Variants in LRRFIP1 observed in about 807,000 individuals in gnomAD.
LRRFIP1 encodes leucine-rich repeat flightless-interacting protein 1.
A neutral mutation model predicts 104.4 loss-of-function variants in LRRFIP1; 62 were observed. The ratio of observed to expected loss-of-function variants is 0.59; its 90% CI spans 0.48 to 0.73. LRRFIP1 has a LOEUF of 0.73. Among genes scored for constraint, LRRFIP1 ranks in the 30% least tolerant of loss-of-function variants. The pLI is 0.00. For missense variants in LRRFIP1, 796 were observed against 824.5 expected (o/e 0.97, Z 0.42); for synonymous variants, 300 against 299.0 (o/e 1.00, Z -0.03).
chr2:237,745,535 A>G (rs1404316772), intron 11 of LRRFIP1, among the ~76,000 whole-genome samples: 1 of 152,212 alleles, frequency 6.6e-6, no homozygotes, highest in Non-Finnish European at 1.5e-5. Context: ...AATTATAAAA[A>G]CAAATGATGT....
At chr2:237,759,296 C>T (rs58806233) in intron 18 of LRRFIP1, among the ~76,000 whole-genome samples, 1,947 of 152,170 alleles carry the variant, frequency 0.013, 40 homozygotes, top group African/African-American at 0.045. Context: ...CACGCCAAGG[C>T]GTCTTCAGCC....
At position 237,714,292 on chromosome 2, in the gene LRRFIP1, T is replaced by A; in HGVS notation, c.201+16T>A. ...GGTCCAAAAGGTAGGCTCTTCTTTC[T>A]TTATTTTCTAACTTGCATGTACTGT... On this transcript the variant is annotated intron_variant, in intron 3 of 23. Transcript: ENST00000308482. 6.3e-7 allele frequency: 1 copy of A among 1,596,044 alleles called. No homozygotes were observed. The highest frequency in any genetic ancestry group is 1.7e-4 in the Middle Eastern group (1 of 6,004).
At chr2:237,738,259 G>C (rs1024582345) in intron 10 of LRRFIP1, among the ~76,000 whole-genome samples, 2 of 147,110 alleles carry the variant, frequency 1.4e-5, no homozygotes, top group Admixed American at 6.6e-5. Context: ...TTGAGCACCC[G>C]TGAAGATCTG....
At chr2:237,725,981 G>A (rs2150250426) in intron 7 of LRRFIP1, among the ~76,000 whole-genome samples, 2 of 152,294 alleles carry the variant, frequency 1.3e-5, no homozygotes, top group Middle Eastern at 6.8e-3. Context: ...ATTAACATTA[G>A]CCTTCATTAT....
chr2:237,693,876 A>G (rs1015936413), intron 1 of LRRFIP1, among the ~76,000 whole-genome samples: 4 of 152,160 alleles, frequency 2.6e-5, no homozygotes, highest in Admixed American at 6.5e-5. Flanking sequence ...AGGGTCTATT[A>G]CTTAAGGCTG....
intron 19 of LRRFIP1, 104 bp from the exon 20 acceptor site, chr2:237,769,839 A>G: frequency 2.3e-6 from 2 of 851,724 alleles, no homozygotes; most frequent in South Asian, 1.4e-5. Context: ...AACTACTTCC[A>G]TCATTCATTT....
At chr2:237,634,218 T>C (rs13409767) in intron 1 of LRRFIP1, among the ~76,000 whole-genome samples, 2,057 of 152,270 alleles carry the variant, frequency 0.014, 42 homozygotes, top group African/African-American at 0.044. Flanking sequence ...GATCTCCTTG[T>C]TTATAAATAA....
At chr2:237,669,239 A>G (rs1262027103) in intron 1 of LRRFIP1, among the ~76,000 whole-genome samples, 1 of 152,220 alleles carries the variant, frequency 6.6e-6, no homozygotes, top group East Asian at 1.9e-4. Context: ...TAGAAGTGCA[A>G]TTTAAACCCC....
At chr2:237,740,873 C>T (rs2095395800) in intron 11 of LRRFIP1, among the ~76,000 whole-genome samples, 1 of 152,168 alleles carries the variant, frequency 6.6e-6, no homozygotes. Flanking sequence ...GCATGGCTTT[C>T]CTGTGCTAGA....
chr2:237,725,913 C>T (rs2094729000), intron 7 of LRRFIP1, among the ~76,000 whole-genome samples: 1 of 152,220 alleles, frequency 6.6e-6, no homozygotes, highest in Admixed American at 6.5e-5. Context: ...AGAGGCCTTG[C>T]TTATGTCATA....
intron 19 of LRRFIP1, among the ~76,000 whole-genome samples, chr2:237,767,844 C>T (rs1025761607): frequency 1.3e-5 from 2 of 152,160 alleles, no homozygotes; most frequent in African/African-American, 2.4e-5. Context: ...TTGTTCTAAA[C>T]GTCTGGGCCC....
At position 237,691,090 on chromosome 2, in the gene LRRFIP1, G is replaced by A. The variant is rs1019287797; in HGVS notation, c.97-17454G>A. On this transcript the variant is annotated intron_variant, in intron 1 of 23. Transcript: ENST00000308482. The surrounding 1 kb of genome is among the most constrained non-coding windows in gnomAD (Gnocchi z 5.4). ...GGCGGGAAGGTGAGTGCTCACAGGC[G>A]CGAGCTCACGTTACCAAGTTGGGTC... Among the ~76,000 whole-genome samples, 1 of 151,608 alleles carries A rather than the reference G, an allele frequency of 6.6e-6. No homozygotes were observed. Among genetic ancestry groups the A allele is most frequent in the Admixed American group, 6.6e-5 (1 of 15,252 alleles).
rs28364855 is a variant in LRRFIP1 at position 237,627,603 on chromosome 2, C to T, written c.-42C>T. ...GGCCGGGCCGGGGCGGCGCGAGCGGCTGGAGCAACGGGCCCCGCGGCAGCT... is the reference window on the plus strand; with the variant it reads ...GGCCGGGCCGGGGCGGCGCGAGCGGTTGGAGCAACGGGCCCCGCGGCAGCT... On this transcript the variant is annotated 5_prime_UTR_variant, in exon 1 of 24. Transcript: ENST00000308482. The T allele has an allele frequency of 0.027, 31,376 of 1,161,818 alleles. 1,042 individuals carry two copies. The highest frequency in any genetic ancestry group is 0.23 in the East Asian group (5,332 of 23,650). 72.0% of individuals were successfully genotyped at this position (1,161,818 alleles called of 1,614,324 possible). A position where few individuals can be genotyped will look rare whatever the true frequency, so the allele number is the denominator to read the frequency against.
intron 1 of LRRFIP1, among the ~76,000 whole-genome samples, chr2:237,640,910 TC>T (rs2083863305): frequency 6.6e-6 from 1 of 152,116 alleles, no homozygotes; most frequent in Non-Finnish European, 1.5e-5. Flanking sequence ...AAGGCGTGCA[TC>T]TCAGCCTGCT....
intron 1 of LRRFIP1, among the ~76,000 whole-genome samples, chr2:237,646,985 T>C (rs1446108971): frequency 6.6e-6 from 1 of 152,012 alleles, no homozygotes; most frequent in Non-Finnish European, 1.5e-5. Flanking sequence ...TTCCTTCTAA[T>C]AGTTTTGCTT....
rs75735958 is a variant in LRRFIP1, at chr2:237,672,804, A to G, written c.97-35740A>G. Among the ~76,000 whole-genome samples the G allele has an allele frequency of 3.1e-3, 476 of 152,354 alleles. 7 individuals are homozygous for G. In the East Asian group the frequency reaches 0.047, roughly 15 times the overall value. On this transcript the variant is annotated intron_variant, in intron 1 of 23. Coordinates refer to ENST00000308482, the MANE Select transcript of LRRFIP1 (RefSeq NM_001137550.2). ...TTTACAGTATCCAAATGTGGATGAT[A>G]TATCCTTTTAACTATGTCCCTGATA...
intron 11 of LRRFIP1, among the ~76,000 whole-genome samples, chr2:237,742,491 C>T (rs140002368): frequency 1.3e-5 from 2 of 152,274 alleles, no homozygotes; most frequent in Non-Finnish European, 2.9e-5. Context: ...CTTGATTGAT[C>T]GTGTCGAGAA....
chr2:237,727,572 C>T (rs1215150211), intron 7 of LRRFIP1, among the ~76,000 whole-genome samples: 1 of 152,196 alleles, frequency 6.6e-6, no homozygotes, highest in African/African-American at 2.4e-5. Context: ...GAAATGGCCA[C>T]ACCAAGCCCA....
At chr2:237,776,215 C>T (rs971101732) in intron 23 of LRRFIP1, among the ~76,000 whole-genome samples, 1 of 152,194 alleles carries the variant, frequency 6.6e-6, no homozygotes, top group African/African-American at 2.4e-5. Flanking sequence ...CTGCCTTGGC[C>T]TCCCAAAGTG....
Sources: allele counts gnomAD v4.1 joint callset (sites outside exome capture counted in the v4.1 genomes callset), GRCh38; gene constraint gnomAD v4.1.1; non-coding constraint Gnocchi (gnomAD v3.1); transcripts MANE v1.5; gene names NCBI Gene and HGNC (gene_info 2026-07-23, HGNC 2026-07-21).